Variants in BBS12 observed in about 807,000 individuals in gnomAD.
BBS12 encodes the protein chaperonin-containing T-complex member BBS12.
Under a neutral mutation model 5.6 loss-of-function variants are expected in BBS12, and 5 were observed. That is an observed-to-expected ratio of 0.89 (90% CI 0.46 to 1.86). The LOEUF is 1.86. BBS12 is among the 40% of genes most tolerant of loss of function. The pLI is 0.01. For missense variants in BBS12, 748 were observed against 830.4 expected (o/e 0.90, Z 1.22); for synonymous variants, 308 against 306.8 (o/e 1.00, Z -0.04).
At position 122,742,594 on chromosome 4, in the gene BBS12, T is replaced by C. The variant is rs1800898156; in HGVS notation, c.702T>C (p.Ser234=). ...GCAGACAGTCAATACTAATCCACAG[T>C]AGGCATTTTAATAGGACAGATAATA... The part of the protein sequence containing the change: ...TCCRQSILIH[S]RHFNRTDNTE... The change falls in exon 2 of 2, where the codon AGT becomes AGC. Residue 234 remains serine, a synonymous_variant. Transcript: ENST00000314218. 1 of 1,614,182 alleles carries C rather than the reference T, an allele frequency of 6.2e-7. No individual in the cohort carries two copies. The highest frequency in any genetic ancestry group is 1.1e-5 in the South Asian group (1 of 91,084).
chr4:122,742,416 G>A lies in BBS12; in HGVS notation c.524G>A (p.Gly175Asp). Residue 175 changes from glycine (G) to aspartate (D), a missense_variant, in exon 2 of 2, where the codon GGT (glycine) becomes GAT (aspartate). Gly to Asp is a moderately conservative substitution (Grantham distance 94, BLOSUM62 -1). Coordinates refer to ENST00000314218, the MANE Select transcript of BBS12 (RefSeq NM_152618.3). ...SDTDLIEELH[G>D]LKDVASQTLT... ...ACTGATTTGATAGAGGAATTGCATGGTCTCAAAGATGTTGCCTCTCAAACA... is the reference window on the plus strand; with the variant it reads ...ACTGATTTGATAGAGGAATTGCATGATCTCAAAGATGTTGCCTCTCAAACA... 6.2e-7 allele frequency: 1 copy of A among 1,614,172 alleles called. No homozygotes were observed. The highest frequency in any genetic ancestry group is 8.5e-7 in the Non-Finnish European group (1 of 1,180,022).
At chr4:122,720,519 A>G in the BBS12 span, among the ~76,000 whole-genome samples, 3 of 152,212 alleles carry the variant, frequency 2.0e-5, no homozygotes, top group Non-Finnish European at 4.4e-5. Flanking sequence ...CCTGGAATCT[A>G]TTAGATGCAG....
chr4:122,731,665 C>T (rs1241352719), upstream of BBS12: 1 of 152,138 alleles, frequency 6.6e-6, no homozygotes, highest in Admixed American at 6.5e-5. Flanking sequence ...GGTTCAAATC[C>T]TAAGGCCCAC....
upstream of BBS12, among the ~76,000 whole-genome samples, chr4:122,728,097 C>T (rs1444061816): frequency 6.6e-6 from 1 of 152,056 alleles, no homozygotes; most frequent in Non-Finnish European, 1.5e-5. Context: ...TTTTAGAAGG[C>T]AATATCTATC....
In BBS12 at chr4:122,743,281, TTGTG is replaced by T. The variant is rs2150737232; in HGVS notation, c.1392_1395del (p.Cys464TrpfsTer7). ...CCTACATTACACAAGTGAATGAAGA[TTGTG>T]TGGGCGACGGGGTCTGCGTGACCTT... On this transcript the variant is annotated frameshift_variant, in exon 2 of 2. Transcript: ENST00000314218. LOFTEE classifies it low-confidence loss of function (END_TRUNC). 1 of 1,614,110 alleles carries T rather than the reference TTGTG, an allele frequency of 6.2e-7. No homozygotes were observed. Among genetic ancestry groups the T allele is most frequent in the Non-Finnish European group, 8.5e-7 (1 of 1,180,024 alleles).
At chr4:122,715,528 C>T in the BBS12 span, among the ~76,000 whole-genome samples, 2 of 152,080 alleles carry the variant, frequency 1.3e-5, no homozygotes, top group Non-Finnish European at 2.9e-5. Flanking sequence ...AGTGCGTTTT[C>T]ATTTGGGCTA....
the BBS12 span, among the ~76,000 whole-genome samples, chr4:122,716,080 C>T: frequency 6.6e-6 from 1 of 152,142 alleles, no homozygotes; most frequent in African/African-American, 2.4e-5. Flanking sequence ...CTAAAGTATA[C>T]AGTGTAACAA....
At chr4:122,708,652 CACTA>C in the BBS12 span, among the ~76,000 whole-genome samples, 28 of 147,878 alleles carry the variant, frequency 1.9e-4, no homozygotes, top group Non-Finnish European at 3.6e-4. Context: ...AAAAAACTGT[CACTA>C]ACAGTAAATT....
the BBS12 span, among the ~76,000 whole-genome samples, chr4:122,723,431 C>G: frequency 6.6e-6 from 1 of 152,156 alleles, no homozygotes; most frequent in Non-Finnish European, 1.5e-5. Context: ...AAGCATTTAG[C>G]TTTCGCTCCA....
chr4:122,733,857 GTCTTTT>G (rs1173422777), intron 1 of BBS12: 1 of 117,976 alleles, frequency 8.5e-6, no homozygotes, highest in Non-Finnish European at 1.7e-5. Flanking sequence ...ACTAACTTTA[GTCTTTT>G]TTTTTTTTTT....
At chr4:122,703,041 C>T in the BBS12 span, among the ~76,000 whole-genome samples, 1 of 152,190 alleles carries the variant, frequency 6.6e-6, no homozygotes, top group Non-Finnish European at 1.5e-5. Flanking sequence ...TAAAAGCAAG[C>T]ATAGTCACCA....
At chr4:122,727,033 C>A in the BBS12 span, among the ~76,000 whole-genome samples, 5 of 152,122 alleles carry the variant, frequency 3.3e-5, no homozygotes, top group Non-Finnish European at 4.4e-5. Flanking sequence ...GCACCAAAAT[C>A]TCACTAAAGA....
At chr4:122,722,909 T>C in the BBS12 span, among the ~76,000 whole-genome samples, 1 of 152,190 alleles carries the variant, frequency 6.6e-6, no homozygotes, top group Non-Finnish European at 1.5e-5. Flanking sequence ...TCTGTTCTTA[T>C]TCCTCATCTT....
the BBS12 span, among the ~76,000 whole-genome samples, chr4:122,712,772 T>C: frequency 6.6e-6 from 1 of 152,288 alleles, no homozygotes; most frequent in African/African-American, 2.4e-5. Context: ...TCTGTAGAGT[T>C]CTAATTTGTT....
At chr4:122,733,377 A>G (rs1256764243) in intron 1 of BBS12, among the ~76,000 whole-genome samples, 1 of 14,288 alleles carries the variant, frequency 7.0e-5, no homozygotes, top group Non-Finnish European at 1.2e-4. Context: ...TCCAACCCCA[A>G]CACACACACA....
chr4:122,724,997 T>C, the BBS12 span, among the ~76,000 whole-genome samples: 23,754 of 152,174 alleles, frequency 0.16, 2,415 homozygotes, highest in Non-Finnish European at 0.23. Context: ...ATCCTTTCTT[T>C]TTTTACTCTT....
chr4:122,735,416 A>G (rs150190095), intron 1 of BBS12, among the ~76,000 whole-genome samples: 1 of 152,300 alleles, frequency 6.6e-6, no homozygotes, highest in East Asian at 1.9e-4. Context: ...CTTTTTTAAG[A>G]TAAATAGATG....
the BBS12 span, among the ~76,000 whole-genome samples, chr4:122,719,833 C>T: frequency 6.6e-6 from 1 of 152,156 alleles, no homozygotes. Context: ...GTAAAGATAT[C>T]CTGGGCTTTC....
chr4:122,719,139 C>A, the BBS12 span, among the ~76,000 whole-genome samples: 2 of 152,188 alleles, frequency 1.3e-5, no homozygotes, highest in East Asian at 3.9e-4. Flanking sequence ...TTCATATGCC[C>A]AAGACTGAGA....
Sources: allele counts gnomAD v4.1 joint callset (sites outside exome capture counted in the v4.1 genomes callset), GRCh38; gene constraint gnomAD v4.1.1; transcripts MANE v1.5; gene names NCBI Gene and HGNC (gene_info 2026-07-23, HGNC 2026-07-21).